Variants in LRP5 observed in about 807,000 individuals in gnomAD.
LRP5 encodes the protein LDL receptor related protein 5, also known as low-density lipoprotein receptor-related protein 5.
A neutral mutation model predicts 154.1 loss-of-function variants in LRP5; 62 were observed. The observed-to-expected ratio is 0.40, with a 90% confidence interval of 0.33 to 0.50. The LOEUF is 0.50. Ranked by LOEUF, LRP5 falls within the 20% of genes least tolerant of loss-of-function variation. The pLI is 0.55. For missense variants in LRP5, 1,915 were observed against 2,336.7 expected (o/e 0.82, Z 3.72); for synonymous variants, 966 against 1,011.5 (o/e 0.96, Z 0.85).
At chr11:68,409,177 A>G (rs972526687) in intron 9 of LRP5, among the ~76,000 whole-genome samples, 16 of 136,134 alleles carry the variant, frequency 1.2e-4, no homozygotes, top group African/African-American at 4.4e-4. Flanking sequence ...ATATATATTT[A>G]TAAATAAAAT....
intron 13 of LRP5, among the ~76,000 whole-genome samples, chr11:68,419,778 G>A (rs1302802016): frequency 6.6e-6 from 1 of 151,952 alleles, no homozygotes; most frequent in African/African-American, 2.4e-5. Flanking sequence ...TCCTAACCTG[G>A]TGATCCGCCC....
At chr11:68,409,165 A>C (rs1434121474) in intron 9 of LRP5, among the ~76,000 whole-genome samples, 1 of 138,196 alleles carries the variant, frequency 7.2e-6, no homozygotes, top group Non-Finnish European at 1.5e-5. Context: ...TATAATATAA[A>C]AATATATATT....
the LRP5 span, among the ~76,000 whole-genome samples, chr11:68,301,022 C>T: frequency 1.4e-5 from 2 of 148,128 alleles, no homozygotes; most frequent in Non-Finnish European, 1.5e-5. Flanking sequence ...CTCTGCCTCT[C>T]GGGTTCAAGC....
chr11:68,298,766 C>T, the LRP5 span, among the ~76,000 whole-genome samples: 1 of 152,114 alleles, frequency 6.6e-6, no homozygotes, highest in Non-Finnish European at 1.5e-5. Flanking sequence ...CTAAGACCTC[C>T]CACGCTTGCC....
At chr11:68,339,553 G>T (rs1049015029) in intron 1 of LRP5, among the ~76,000 whole-genome samples, 1 of 151,972 alleles carries the variant, frequency 6.6e-6, no homozygotes, top group African/African-American at 2.4e-5. Flanking sequence ...TCACCGTGTT[G>T]GCCAGGCTGG....
intron 1 of LRP5, among the ~76,000 whole-genome samples, chr11:68,331,435 C>A (rs187547809): frequency 6.4e-4 from 98 of 152,334 alleles, no homozygotes; most frequent in African/African-American, 2.3e-3. Context: ...TGCCTCCCCG[C>A]CTGCCCCAGG....
At chr11:68,318,364 G>C (rs1181003492) in intron 1 of LRP5, among the ~76,000 whole-genome samples, 2 of 118,568 alleles carry the variant, frequency 1.7e-5, no homozygotes, top group South Asian at 2.5e-4. Flanking sequence ...TTTTTTTTTT[G>C]AGTCTTGCTC....
intron 21 of LRP5, among the ~76,000 whole-genome samples, chr11:68,440,190 CG>C (rs1268137408): frequency 1.3e-5 from 2 of 152,234 alleles, no homozygotes; most frequent in African/African-American, 4.8e-5. Flanking sequence ...AGCATCCAGG[CG>C]GCCGTCTGTG....
chr11:68,445,895 G>A (rs1384384544), intron 21 of LRP5, among the ~76,000 whole-genome samples: 1 of 152,244 alleles, frequency 6.6e-6, no homozygotes, highest in Non-Finnish European at 1.5e-5. Flanking sequence ...CCTCAGCGTG[G>A]TGACTTCTGT....
intron 1 of LRP5, among the ~76,000 whole-genome samples, chr11:68,322,176 C>T (rs1412035718): frequency 6.6e-6 from 1 of 151,884 alleles, no homozygotes; most frequent in South Asian, 2.1e-4. Flanking sequence ...CTGGAGCCTC[C>T]GAGCTGACGT....
At chr11:68,310,691 G>A (rs753953032), upstream of LRP5, among the ~76,000 whole-genome samples, 1 of 148,986 alleles carries the variant, frequency 6.7e-6, no homozygotes, top group Non-Finnish European at 1.5e-5. Flanking sequence ...GGAGTTTGAG[G>A]TTGCAATGAG....
At chr11:68,370,288 C>T (rs2098633321) in intron 5 of LRP5, among the ~76,000 whole-genome samples, 1 of 152,144 alleles carries the variant, frequency 6.6e-6, no homozygotes, top group South Asian at 2.1e-4. Context: ...AAATGTAATT[C>T]CCAGTCTCCA....
At chr11:68,445,680 G>T in intron 21 of LRP5, 1 of 1,318,020 alleles carries the variant, frequency 7.6e-7, no homozygotes, top group East Asian at 4.2e-5. Context: ...AGTGGCACTT[G>T]TGGAAGGTGC....
At chr11:68,389,466 A>G (rs571806703) in intron 6 of LRP5, among the ~76,000 whole-genome samples, 2 of 152,294 alleles carry the variant, frequency 1.3e-5, no homozygotes, top group Non-Finnish European at 2.9e-5. Context: ...TGACACTGGC[A>G]TCTACTGACA....
At chr11:68,417,185 G>A (rs911903196) in intron 13 of LRP5, among the ~76,000 whole-genome samples, 1 of 152,148 alleles carries the variant, frequency 6.6e-6, no homozygotes, top group Non-Finnish European at 1.5e-5. Context: ...GAGTTTTTGT[G>A]AAACACTGGA....
At chr11:68,313,054 G>A (rs966556257) in intron 1 of LRP5, among the ~76,000 whole-genome samples, 62 of 145,918 alleles carry the variant, frequency 4.2e-4, no homozygotes, top group Admixed American at 8.0e-4. Context: ...CGCCCGCTCC[G>A]CCAGGTGCGG....
chr11:68,304,824 T>G, the LRP5 span, among the ~76,000 whole-genome samples: 1 of 152,224 alleles, frequency 6.6e-6, no homozygotes, highest in Admixed American at 6.5e-5. Context: ...TTTTGACAGA[T>G]TTCTCCCTTT....
Position 68,425,300 on chromosome 11 carries a change from C to T in LRP5, c.3427+8C>T, listed in dbSNP as rs1269959148. The stretch of plus-strand genomic sequence containing the variant: ...AGAGCTGTGACCTGTCAGGTACGCG[C>T]CCCGGGGCCTGCCCTAACCGCAGAC... On this transcript the variant is annotated splice_region_variant and intron_variant, in intron 15 of 22. Transcript: ENST00000294304. 2 of 1,601,980 alleles carry T rather than the reference C, an allele frequency of 1.2e-6. No homozygotes were observed. Among genetic ancestry groups the T allele is most frequent in the Non-Finnish European group, 1.7e-6 (2 of 1,178,622 alleles).
the LRP5 span, among the ~76,000 whole-genome samples, chr11:68,305,530 C>T: frequency 1.7e-4 from 26 of 152,288 alleles, no homozygotes; most frequent in Non-Finnish European, 3.4e-4. Context: ...ACAACCTCCT[C>T]CTCCCGGGCG....
Sources: gnomAD v4.1 joint callset for allele counts (sites outside exome capture counted in the v4.1 genomes callset) on GRCh38, gnomAD v4.1.1 for gene constraint, MANE v1.5 for transcripts, NCBI Gene and HGNC (gene_info 2026-07-23, HGNC 2026-07-21) for gene names.